The following SLC5A5 variants were observed in gnomAD, a reference collection of about 807,000 sequenced individuals.
SLC5A5 encodes solute carrier family 5 member 5, also known as sodium/iodide cotransporter.
A neutral mutation model predicts 68.6 loss-of-function variants in SLC5A5; 56 were observed. The observed-to-expected ratio is 0.82, with a 90% CI of 0.66 to 1.02. The LOEUF (loss-of-function observed/expected upper bound fraction) is 1.02. Ranked by LOEUF, SLC5A5 falls within the 50% of genes least tolerant of loss-of-function variation. The probability of loss-of-function intolerance (pLI) is 0.00; values close to 1 mark genes in which losing one functional copy is unlikely to be tolerated. For missense variants in SLC5A5, 807 were observed against 859.8 expected (o/e 0.94, Z 0.77); for synonymous variants, 398 against 373.0 (o/e 1.07, Z -0.77).
At chr19:17,883,829 T>C (rs1232241096) in intron 11 of SLC5A5, 21 bp from the exon 12 acceptor site, 1 of 1,604,472 alleles carries the variant, frequency 6.2e-7, no homozygotes, top group Admixed American at 1.7e-5. Flanking sequence ...TCCCCTTCCC[T>C]GACGCCGGCT....
chr19:17,891,920 T>C (rs2030187357), intron 14 of SLC5A5, among the ~76,000 whole-genome samples: 1 of 152,092 alleles, frequency 6.6e-6, no homozygotes, highest in African/African-American at 2.4e-5. Context: ...CCCACCCTCA[T>C]CTAGCAGGGG....
chr19:17,892,677 AG>A (rs2030224847), intron 14 of SLC5A5, among the ~76,000 whole-genome samples: 1 of 151,078 alleles, frequency 6.6e-6, no homozygotes, highest in African/African-American at 2.4e-5. Context: ...AGAGAGAGAG[AG>A]AGAGAGAGAG....
rs1420543610 is a variant in SLC5A5 at position 17,872,018 on chromosome 19, G to A, written c.-302G>A. ...CGCCCAGGGAGAGGGACAGACAGCC[G>A]GCTGCATGGGACAGCGGAACCCAGA... On this transcript the variant is annotated 5_prime_UTR_variant, in exon 1 of 15. Coordinates refer to ENST00000222248, the MANE Select transcript of SLC5A5 (RefSeq NM_000453.3). 1 of 430,978 alleles carries A rather than the reference G, an allele frequency of 2.3e-6. No individual in the cohort carries two copies. The highest frequency in any genetic ancestry group is 4.2e-6 in the Non-Finnish European group (1 of 238,990). The allele number at this position is 430,978 out of a possible 1,614,324, so 26.7% of individuals were successfully genotyped here. A position where few individuals can be genotyped will look rare whatever the true frequency, so the allele number is the denominator to read the frequency against.
intron 8 of SLC5A5, among the ~76,000 whole-genome samples, chr19:17,881,261 T>C (rs959814570): frequency 6.6e-6 from 1 of 151,058 alleles, no homozygotes; most frequent in Non-Finnish European, 1.5e-5. Context: ...ATGTGGCAGG[T>C]ACTGTTTTTT....
Position 17,882,832 on chromosome 19 carries a change from C to T in SLC5A5, c.1242+613C>T, listed in dbSNP as rs151005323. On this transcript the variant is annotated intron_variant, in intron 10 of 14. Coordinates refer to ENST00000222248, the MANE Select transcript of SLC5A5 (RefSeq NM_000453.3). ...CCGAGTAGCTGGGACTACAAGCGCC[C>T]GCCACCACGCCTGACTAATTTTTTG... Among the ~76,000 whole-genome samples, 496 of 152,178 alleles carry T rather than the reference C, an allele frequency of 3.3e-3. 1 individual carries two copies. The highest frequency in any genetic ancestry group is 4.6e-3 in the Non-Finnish European group (312 of 67,996).
At position 17,881,984 on chromosome 19, in the gene SLC5A5, T is replaced by C. The variant is rs1568422620; in HGVS notation, c.1083T>C (p.Ala361=). 1.9e-6 allele frequency: 3 copies of C among 1,614,070 alleles called. No individual in the cohort carries two copies. Among genetic ancestry groups the C allele is most frequent in the Non-Finnish European group, 2.5e-6 (3 of 1,179,918 alleles). The change falls in exon 9 of 15, where the codon GCT becomes GCC. Residue 361 remains alanine, a synonymous_variant. Transcript: ENST00000222248. The part of the protein sequence containing the change: ...TLSTASTSIN[A]MAAVTVEDLI... ...GCACAGCATCCACCAGCATCAATGC[T>C]ATGGCTGCAGTCACTGTAGAAGACC...
chr19:17,884,070 G>T (rs1197946737), intron 12 of SLC5A5, 24 bp downstream of exon 12: 6 of 1,531,626 alleles, frequency 3.9e-6, no homozygotes, highest in South Asian at 3.6e-5. Flanking sequence ...AGGGTAGGGG[G>T]GTACCCGAGC....
rs759219836 is a variant in SLC5A5 at position 17,883,688 on chromosome 19, T to C, written c.1250T>C (p.Phe417Ser). 1 of 1,610,532 alleles carries C rather than the reference T, an allele frequency of 6.2e-7. No individual in the cohort carries two copies. Among genetic ancestry groups the C allele is most frequent in the East Asian group, 2.2e-5 (1 of 44,614 alleles). ...LLGGGVLQGSFTVMGVISGPL... is the reference protein window; with the variant it reads ...LLGGGVLQGSSTVMGVISGPL... Reference sequence around the variant, plus strand: ...TTCCACCTACTCTCCCAGGGCTCCTTCACCGTCATGGGAGTCATCAGCGGC... The same window carrying C: ...TTCCACCTACTCTCCCAGGGCTCCTCCACCGTCATGGGAGTCATCAGCGGC... The change falls in exon 11 of 15, where the codon TTC becomes TCC. Residue 417 changes from phenylalanine (F) to serine (S), a missense_variant. By Grantham distance (155) the Phe-to-Ser change is radical. Transcript: ENST00000222248.
At position 17,894,305 on chromosome 19, in the gene SLC5A5, G is replaced by A. The variant is rs2030327180; in HGVS notation, c.*428G>A. ...TGGGATTGTAGGTGCCCACCACCAT[G>A]CCCAGCCAACTTTTTGTATTTTTAG... On this transcript the variant is annotated 3_prime_UTR_variant, in exon 15 of 15. Coordinates refer to ENST00000222248, the MANE Select transcript of SLC5A5 (RefSeq NM_000453.3). The A allele has an allele frequency of 2.2e-5, 4 of 185,222 alleles. No homozygotes were observed. Among genetic ancestry groups the A allele is most frequent in the Admixed American group, 1.6e-4 (3 of 18,530 alleles). The allele number at this position is 185,222 out of a possible 1,614,324, so 11.5% of individuals were successfully genotyped here. A position where few individuals can be genotyped will look rare whatever the true frequency, so the allele number is the denominator to read the frequency against.
At position 17,871,953 on chromosome 19, in the gene SLC5A5, A is replaced by C; in HGVS notation, c.-367A>C. The stretch of plus-strand genomic sequence containing the variant: ...ACCCACAATCACGAGCTGCTCCCGT[A>C]AGCCCCAAGGCGACCTCCAGCTGTC... On this transcript the variant is annotated 5_prime_UTR_variant, in exon 1 of 15. Coordinates refer to ENST00000222248, the MANE Select transcript of SLC5A5 (RefSeq NM_000453.3). 3.6e-6 allele frequency: 1 copy of C among 281,288 alleles called. No individual in the cohort carries two copies. Among genetic ancestry groups the C allele is most frequent in the Non-Finnish European group, 6.8e-6 (1 of 147,806 alleles). The allele number at this position is 281,288 out of a possible 1,614,324, so 17.4% of individuals were successfully genotyped here. A position where few individuals can be genotyped will look rare whatever the true frequency, so the allele number is the denominator to read the frequency against.
At chr19:17,880,534 A>C (rs2094318266) in intron 7 of SLC5A5, among the ~76,000 whole-genome samples, 1 of 152,108 alleles carries the variant, frequency 6.6e-6, no homozygotes, top group Admixed American at 6.6e-5. Context: ...TCTTTACACA[A>C]AAATTTAAAA....
chr19:17,887,998 G>A (rs2029989695), intron 12 of SLC5A5, among the ~76,000 whole-genome samples: 1 of 152,226 alleles, frequency 6.6e-6, no homozygotes, highest in East Asian at 1.9e-4. Context: ...TTGCAGTCAC[G>A]AAGATTCCCA....
At chr19:17,876,137 G>T in intron 5 of SLC5A5, 31 bp downstream of exon 5, 1 of 1,611,378 alleles carries the variant, frequency 6.2e-7, no homozygotes, top group South Asian at 1.1e-5. Flanking sequence ...TACTCCAGCA[G>T]GATGGGGCTG....
At chr19:17,892,047 C>T (rs928755493) in intron 14 of SLC5A5, among the ~76,000 whole-genome samples, 5 of 152,120 alleles carry the variant, frequency 3.3e-5, no homozygotes, top group Admixed American at 3.3e-4. Flanking sequence ...CCTGTAATCC[C>T]AGCACTTTGG....
intron 14 of SLC5A5, among the ~76,000 whole-genome samples, chr19:17,892,073 C>T (rs957335536): frequency 1.3e-5 from 2 of 151,364 alleles, no homozygotes; most frequent in Admixed American, 6.6e-5. Context: ...TGAGGTGGAT[C>T]GCTTGAGGCC....
intron 12 of SLC5A5, among the ~76,000 whole-genome samples, chr19:17,887,128 G>A (rs1449288182): frequency 6.6e-6 from 1 of 152,124 alleles, no homozygotes; most frequent in South Asian, 2.1e-4. Context: ...TTTAAATTGG[G>A]TGATTTGTCT....
Position 17,894,047 on chromosome 19 carries a change from A to G in SLC5A5, c.*170A>G. On this transcript the variant is annotated 3_prime_UTR_variant, in exon 15 of 15. Transcript: ENST00000222248. ...GGGGAGGCCCTGCCTCCGGGAGGTCATTTTTTAAATCCAGCCCCTTGCTTC... is the reference window on the plus strand; with the variant it reads ...GGGGAGGCCCTGCCTCCGGGAGGTCGTTTTTTAAATCCAGCCCCTTGCTTC... 4.5e-6 allele frequency: 3 copies of G among 661,930 alleles called. 1 individual carries two copies. In the South Asian group the frequency reaches 5.5e-5, roughly 12 times the overall value. 41.0% of individuals were successfully genotyped at this position (661,930 alleles called of 1,614,324 possible). A position where few individuals can be genotyped will look rare whatever the true frequency, so the allele number is the denominator to read the frequency against.
At chr19:17,889,398 A>AAAAG (rs551408010) in intron 13 of SLC5A5, among the ~76,000 whole-genome samples, 1,200 of 117,394 alleles carry the variant, frequency 0.01, 22 homozygotes, top group African/African-American at 0.054. Context: ...GACTCCATCT[A>AAAAG]AAAGAAAGAA....
At chr19:17,873,085 C>T (rs1314630922) in intron 1 of SLC5A5, among the ~76,000 whole-genome samples, 3 of 152,196 alleles carry the variant, frequency 2.0e-5, no homozygotes, top group Non-Finnish European at 2.9e-5. Context: ...GGGCAAGGGG[C>T]GTGCCTCTCT....
Sources: allele counts gnomAD v4.1 joint callset (sites outside exome capture counted in the v4.1 genomes callset), GRCh38; gene constraint gnomAD v4.1.1; transcripts MANE v1.5; gene names NCBI Gene and HGNC (gene_info 2026-07-23, HGNC 2026-07-21).